SMAD3: variants seen among roughly 807,000 people sequenced by gnomAD.
SMAD3 encodes the protein MAD homolog 3.
In SMAD3, 12 loss-of-function variants were observed where a neutral mutation model predicts 51.8. The ratio of observed to expected loss-of-function variants is 0.23; its 90% CI spans 0.15 to 0.38. The LOEUF (loss-of-function observed/expected upper bound fraction) is 0.38. SMAD3 is among the 10% of genes least tolerant of loss of function. The probability of loss-of-function intolerance (pLI) is 1.00; values close to 1 mark genes in which losing one functional copy is unlikely to be tolerated. For synonymous variants in SMAD3, 238 were observed against 227.7 expected, an observed-to-expected ratio of 1.05 and a Z score of -0.41; for missense variants, 294 against 565.6, an observed-to-expected ratio of 0.52 and a Z score of 4.87.
At chr15:67,097,000 G>A (rs918331838) in intron 1 of SMAD3, among the ~76,000 whole-genome samples, 2 of 152,208 alleles carry the variant, frequency 1.3e-5, no homozygotes, top group Non-Finnish European at 2.9e-5. Context: ...GGGCAGCCTA[G>A]TATAGAGGTG....
At chr15:67,134,324 C>T (rs1462105097) in intron 1 of SMAD3, among the ~76,000 whole-genome samples, 1 of 152,146 alleles carries the variant, frequency 6.6e-6, no homozygotes, top group East Asian at 1.9e-4. Flanking sequence ...AGGAGCTCTT[C>T]TGCGATTCCC....
chr15:67,173,200 A>G (rs1246972224), intron 5 of SMAD3, among the ~76,000 whole-genome samples: 2 of 151,382 alleles, frequency 1.3e-5, no homozygotes, highest in Non-Finnish European at 2.9e-5. Flanking sequence ...AGTTCCCACT[A>G]TGTACTGATG....
At chr15:67,137,865 T>A in intron 1 of SMAD3, 1 of 592,852 alleles carries the variant, frequency 1.7e-6, no homozygotes. Flanking sequence ...TGCAAAGTAC[T>A]GTCCTCCCTT....
At chr15:67,125,951 CACACTCGGGCCT>C (rs1367510907) in intron 1 of SMAD3, 11 of 985,420 alleles carry the variant, frequency 1.1e-5, no homozygotes, top group African/African-American at 1.7e-5. Flanking sequence ...CATGGAAACC[CACACTCGGGCCT>C]GTGTTGAGCA....
intron 1 of SMAD3, among the ~76,000 whole-genome samples, chr15:67,106,125 G>A (rs1037885906): frequency 1.3e-5 from 2 of 151,906 alleles, no homozygotes; most frequent in African/African-American, 4.8e-5. Context: ...TTCTGGCCCC[G>A]TCTCCCTCCT....
intron 1 of SMAD3, among the ~76,000 whole-genome samples, chr15:67,090,809 C>T (rs1248597197): frequency 1.3e-5 from 2 of 152,250 alleles, no homozygotes; most frequent in Non-Finnish European, 2.9e-5. Flanking sequence ...GAAAGTAACC[C>T]GTGACAGCAG....
intron 1 of SMAD3, among the ~76,000 whole-genome samples, chr15:67,147,885 G>A (rs972583520): frequency 2.0e-5 from 3 of 152,246 alleles, no homozygotes; most frequent in African/African-American, 2.4e-5. Context: ...TGATGTTGGC[G>A]TCGGGTTTGG....
chr15:67,169,708 C>T lies in SMAD3; in HGVS notation c.608-846C>T, dbSNP rs187870596. Among the ~76,000 whole-genome samples, 20 of 151,730 alleles carry T rather than the reference C, an allele frequency of 1.3e-4. No homozygotes were observed. The East Asian group carries it at 2.7e-3, about 21-fold the overall frequency. ...AAACTCCTGGGCTCAAGTGATCCCC[C>T]AGTCTCAGCCTCTCAAAGTGCTGGG... On this transcript the variant is annotated intron_variant, in intron 4 of 8. Coordinates refer to ENST00000327367, the MANE Select transcript of SMAD3 (RefSeq NM_005902.4).
intron 5 of SMAD3, among the ~76,000 whole-genome samples, chr15:67,173,379 G>A (rs1962804802): frequency 6.6e-6 from 1 of 152,150 alleles, no homozygotes; most frequent in Admixed American, 6.5e-5. Flanking sequence ...GGATGGAGTG[G>A]GGAGACATGG....
chr15:67,165,578 C>G (rs545781631), intron 3 of SMAD3, among the ~76,000 whole-genome samples, 194 bp downstream of exon 3: 9 of 152,276 alleles, frequency 5.9e-5, no homozygotes, highest in African/African-American at 1.2e-4. Flanking sequence ...CAGCTCCCCC[C>G]TCACTAGTGA....
chr15:67,106,436 GT>G (rs2140229456), intron 1 of SMAD3, among the ~76,000 whole-genome samples: 1 of 152,172 alleles, frequency 6.6e-6, no homozygotes, highest in African/African-American at 2.4e-5. Context: ...CCCCTTAAAT[GT>G]CATCTAAGAG....
chr15:67,103,691 C>A (rs1362428519), intron 1 of SMAD3, among the ~76,000 whole-genome samples: 5 of 152,120 alleles, frequency 3.3e-5, no homozygotes, highest in Non-Finnish European at 7.3e-5. Flanking sequence ...GGACTCCCCA[C>A]CCCTGTGCGG....
At chr15:67,118,795 T>C (rs1185230781) in intron 1 of SMAD3, among the ~76,000 whole-genome samples, 1 of 152,230 alleles carries the variant, frequency 6.6e-6, no homozygotes, top group Non-Finnish European at 1.5e-5. Context: ...GGTGCCTTCC[T>C]TGGGAACCCA....
intron 1 of SMAD3, among the ~76,000 whole-genome samples, chr15:67,117,531 C>T (rs1961162329): frequency 6.6e-6 from 1 of 152,104 alleles, no homozygotes. Flanking sequence ...ATGAGGAAGC[C>T]ACCAGGTCCC....
At chr15:67,150,847 CTTTTTTTTTT>C (rs58914503) in intron 1 of SMAD3, among the ~76,000 whole-genome samples, 20 of 14,672 alleles carry the variant, frequency 1.4e-3, no homozygotes, top group East Asian at 5.5e-3. Context: ...ATTTCTCAGT[CTTTTTTTTTT>C]TTTTTTTTTT....
chr15:67,118,041 G>T (rs143234418), intron 1 of SMAD3, among the ~76,000 whole-genome samples: 201 of 152,374 alleles, frequency 1.3e-3, no homozygotes, highest in African/African-American at 4.6e-3. Flanking sequence ...GCAGTGGGCT[G>T]AGATCGCACC....
Position 67,191,298 on chromosome 15 carries a change from A to G in SMAD3, c.*762A>G, listed in dbSNP as rs2140329498. The G allele has an allele frequency of 4.3e-6, 1 of 233,480 alleles. No homozygotes were observed. Among genetic ancestry groups the G allele is most frequent in the East Asian group, 6.0e-5 (1 of 16,728 alleles). The allele number at this position is 233,480 out of a possible 1,614,324, so 14.5% of individuals were successfully genotyped here. ...CTGAGGCCCAGTGCATATGCAATGTATAGTGTCTATTATCACATTAATCTC... is the reference window on the plus strand; with the variant it reads ...CTGAGGCCCAGTGCATATGCAATGTGTAGTGTCTATTATCACATTAATCTC... On this transcript the variant is annotated 3_prime_UTR_variant, in exon 9 of 9. Coordinates refer to ENST00000327367, the MANE Select transcript of SMAD3 (RefSeq NM_005902.4).
intron 7 of SMAD3, among the ~76,000 whole-genome samples, chr15:67,185,609 A>C (rs989964398): frequency 6.6e-6 from 1 of 152,086 alleles, no homozygotes; most frequent in African/African-American, 2.4e-5. Flanking sequence ...GGAACTGCTG[A>C]GGGTTTTCTG....
chr15:67,192,939 C>T lies in SMAD3; in HGVS notation c.*2403C>T, dbSNP rs755985886. The T allele has an allele frequency of 1.1e-4, 25 of 233,186 alleles. No homozygotes were observed. The highest frequency in any genetic ancestry group is 1.5e-4 in the Non-Finnish European group (18 of 117,916). The allele number at this position is 233,186 out of a possible 1,614,324, so 14.4% of individuals were successfully genotyped here. On this transcript the variant is annotated 3_prime_UTR_variant, in exon 9 of 9. Transcript: ENST00000327367. ...AAAGGATACTTCCTTGGCCCTTTTT[C>T]TTTATTGACTAGACCACCAGAGGAG...
Sources: allele counts gnomAD v4.1 joint callset (sites outside exome capture counted in the v4.1 genomes callset), GRCh38; gene constraint gnomAD v4.1.1; transcripts MANE v1.5; gene names NCBI Gene and HGNC (gene_info 2026-07-23, HGNC 2026-07-21).